Variants in NRG3 observed in about 807,000 individuals in gnomAD.
NRG3 encodes pro-neuregulin-3, membrane-bound isoform.
Under a neutral mutation model 66.9 loss-of-function variants are expected in NRG3, and 31 were observed. The observed-to-expected ratio is 0.46, with a 90% CI of 0.35 to 0.63. The LOEUF is 0.63. NRG3 is among the 20% of genes least tolerant of loss of function. The pLI is 0.00. For missense variants in NRG3, 910 were observed against 878.9 expected, an observed-to-expected ratio of 1.04 and a Z score of -0.45; for synonymous variants, 393 against 359.4, an observed-to-expected ratio of 1.09 and a Z score of -1.06.
intron 2 of NRG3, among the ~76,000 whole-genome samples, chr10:82,726,211 G>A (rs1421739963): frequency 1.3e-5 from 2 of 152,140 alleles, no homozygotes; most frequent in Non-Finnish European, 2.9e-5. Context: ...TTTTGTTACA[G>A]CAGCCCAACC....
chr10:82,712,250 T>G (rs1203613343), intron 2 of NRG3, among the ~76,000 whole-genome samples: 1 of 152,192 alleles, frequency 6.6e-6, no homozygotes, highest in African/African-American at 2.4e-5. Flanking sequence ...TTAAAGAGTT[T>G]TTTAAAAGAT....
chr10:82,825,822 G>T (rs2062177843), intron 3 of NRG3, among the ~76,000 whole-genome samples: 1 of 152,126 alleles, frequency 6.6e-6, no homozygotes, highest in Non-Finnish European at 1.5e-5. Flanking sequence ...TATTACATGA[G>T]AAATAAATAT....
intron 4 of NRG3, among the ~76,000 whole-genome samples, chr10:82,939,291 A>G (rs1848359782): frequency 6.6e-6 from 1 of 152,188 alleles, no homozygotes; most frequent in Admixed American, 6.5e-5. Context: ...GAGAATACAG[A>G]TGTTTATGAA....
chr10:81,933,068 A>T (rs1164674037), intron 1 of NRG3, among the ~76,000 whole-genome samples: 1 of 150,404 alleles, frequency 6.6e-6, no homozygotes, highest in African/African-American at 2.5e-5. Flanking sequence ...AGATCGTGCC[A>T]CTGCACTCCA....
intron 1 of NRG3, among the ~76,000 whole-genome samples, chr10:82,158,994 A>G (rs1335840667): frequency 6.6e-6 from 1 of 151,920 alleles, no homozygotes; most frequent in Non-Finnish European, 1.5e-5. Flanking sequence ...ACAAGAAGAA[A>G]ATGATAGTCT....
rs188932603 is a variant in NRG3 at position 82,931,473 on chromosome 10, A to G, written c.1055-19996A>G. Among the ~76,000 whole-genome samples, 36 of 152,290 alleles carry G rather than the reference A, an allele frequency of 2.4e-4. No homozygotes were observed. In the East Asian group the frequency reaches 6.8e-3, roughly 29 times the overall value. On this transcript the variant is annotated intron_variant, in intron 4 of 8. Coordinates refer to ENST00000372141, the MANE Select transcript of NRG3 (RefSeq NM_001010848.4). ...TTGGGATCTTCAGACCTCAGAAAAG[A>G]GCACAAAGAAGTTAATTATATGTTC... is the stretch of plus-strand genomic sequence containing the variant.
At chr10:82,095,632 T>C (rs2066290749) in intron 1 of NRG3, among the ~76,000 whole-genome samples, 2 of 152,210 alleles carry the variant, frequency 1.3e-5, no homozygotes, top group Non-Finnish European at 2.9e-5. Context: ...CAAGCTGACC[T>C]GAACTAGCTG....
intron 3 of NRG3, among the ~76,000 whole-genome samples, chr10:82,793,060 G>A (rs2060655312): frequency 6.6e-6 from 1 of 151,480 alleles, no homozygotes; most frequent in Non-Finnish European, 1.5e-5. Flanking sequence ...ACAATCTCTT[G>A]GGTTTTTTAT....
At chr10:82,647,364 A>G (rs1210566434) in intron 2 of NRG3, among the ~76,000 whole-genome samples, 2 of 152,148 alleles carry the variant, frequency 1.3e-5, no homozygotes, top group East Asian at 1.9e-4. Context: ...ATAGTATTCC[A>G]TGGTGTATAT....
rs1223367636 is a variant in NRG3, at chr10:81,875,940, C to G, written c.600C>G (p.Phe200Leu). ...PATVPSTTAP[F>L]FSSSTLGSRP... is the part of the protein sequence containing the mutation. The stretch of plus-strand genomic sequence containing the variant: ...CGGTCCCGTCCACCACGGCCCCGTT[C>G]TTCAGTAGCAGCACGCTGGGCTCCC... The change falls in exon 1 of 9, where the codon TTC becomes TTG. Residue 200 changes from phenylalanine to leucine, a missense_variant. Phe to Leu is a conservative substitution (Grantham distance 22, BLOSUM62 0). Coordinates refer to ENST00000372141, the MANE Select transcript of NRG3 (RefSeq NM_001010848.4). The surrounding 1 kb of genome is among the most constrained non-coding windows in gnomAD (Gnocchi z 5.3). 1 of 1,613,800 alleles carries G rather than the reference C, an allele frequency of 6.2e-7. No homozygotes were observed.
At chr10:82,695,268 A>T (rs2134237028) in intron 2 of NRG3, among the ~76,000 whole-genome samples, 1 of 152,236 alleles carries the variant, frequency 6.6e-6, no homozygotes, top group Non-Finnish European at 1.5e-5. Context: ...GTCCCATCTA[A>T]TTCTTTACTG....
chr10:82,786,488 C>T (rs7894932), intron 3 of NRG3, among the ~76,000 whole-genome samples: 1 of 152,074 alleles, frequency 6.6e-6, no homozygotes, highest in East Asian at 1.9e-4. Context: ...GCCTGCCCCC[C>T]CATTGTGTTT....
At chr10:82,459,303 A>G (rs1780505717) in intron 2 of NRG3, among the ~76,000 whole-genome samples, 1 of 152,144 alleles carries the variant, frequency 6.6e-6, no homozygotes, top group Admixed American at 6.5e-5. Context: ...AGGTTTCTCT[A>G]CAGAGTTGCA....
chr10:82,635,675 A>G (rs2050147372), intron 2 of NRG3, among the ~76,000 whole-genome samples: 1 of 152,190 alleles, frequency 6.6e-6, no homozygotes, highest in Admixed American at 6.5e-5. Flanking sequence ...CAGGCTAGAC[A>G]TCCATAGTAT....
intron 1 of NRG3, among the ~76,000 whole-genome samples, chr10:82,349,374 C>CTCAGGGG (rs2083256523): frequency 6.6e-6 from 1 of 151,670 alleles, no homozygotes; most frequent in East Asian, 2.0e-4. Flanking sequence ...AGTTAGGCTG[C>CTCAGGGG]TCGGGGGTCA....
intron 1 of NRG3, among the ~76,000 whole-genome samples, chr10:81,956,045 G>T (rs189983628): frequency 8.3e-4 from 126 of 152,254 alleles, no homozygotes; most frequent in Non-Finnish European, 1.0e-4. Flanking sequence ...CCACAGCAAA[G>T]ATCTCATCCC....
chr10:82,458,781 G>T (rs1416445272), intron 2 of NRG3, among the ~76,000 whole-genome samples: 1 of 152,236 alleles, frequency 6.6e-6, no homozygotes, highest in East Asian at 1.9e-4. Context: ...ATCATCGTTG[G>T]GTTAAAAGAG....
chr10:82,453,615 G>T (rs373498628), intron 2 of NRG3, among the ~76,000 whole-genome samples: 41 of 151,758 alleles, frequency 2.7e-4, no homozygotes, highest in African/African-American at 9.4e-4. Flanking sequence ...AATGGCACCT[G>T]GTGTCTATAC....
At chr10:82,157,794 G>A (rs1383387782) in intron 1 of NRG3, among the ~76,000 whole-genome samples, 1 of 151,650 alleles carries the variant, frequency 6.6e-6, no homozygotes, top group Non-Finnish European at 1.5e-5. Context: ...TTGCTTTCCA[G>A]GTGGGAAATT....
Sources: gnomAD v4.1 joint callset for allele counts (sites outside exome capture counted in the v4.1 genomes callset) on GRCh38, gnomAD v4.1.1 for gene constraint, Gnocchi (gnomAD v3.1) non-coding constraint, MANE v1.5 for transcripts, NCBI Gene and HGNC (gene_info 2026-07-23, HGNC 2026-07-21) for gene names.